Variants in MTAP observed in about 807,000 individuals in gnomAD.
The protein encoded by MTAP is methylthioadenosine phosphorylase.
MTAP carries 33 observed loss-of-function variants against 33.6 expected under a neutral mutation model. The observed-to-expected ratio is 0.98, with a 90% CI of 0.74 to 1.31. The LOEUF is 1.31. MTAP is among the 40% of genes most tolerant of loss of function. The pLI is 0.00. For missense variants in MTAP, 367 were observed against 360.0 expected, an observed-to-expected ratio of 1.02 and a Z score of -0.16; for synonymous variants, 148 against 125.7, an observed-to-expected ratio of 1.18 and a Z score of -1.19.
intron 5 of MTAP, among the ~76,000 whole-genome samples, chr9:21,841,909 A>C (rs28786432): frequency 6.6e-6 from 1 of 152,142 alleles, no homozygotes; most frequent in African/African-American, 2.4e-5. Flanking sequence ...CTCCCTAGCA[A>C]TGGATCCAAA....
chr9:21,865,601 A>C lies in MTAP; in HGVS notation c.*3587A>C, dbSNP rs900178560. 3.0e-6 allele frequency: 3 copies of C among 986,278 alleles called. No individual in the cohort carries two copies. The highest frequency in any genetic ancestry group is 9.4e-5 in the South Asian group (2 of 21,322). The allele number at this position is 986,278 out of a possible 1,614,324, so 61.1% of individuals were successfully genotyped here. A position where few individuals can be genotyped will look rare whatever the true frequency, so the allele number is the denominator to read the frequency against. ...TAGTATAGAATAATTCAAGATAGGC[A>C]AGAAGGACAGCAGTAAATGAAGACC... is the stretch of plus-strand genomic sequence containing the variant. On this transcript the variant is annotated 3_prime_UTR_variant, in exon 8 of 8. Coordinates refer to ENST00000644715, the MANE Select transcript of MTAP (RefSeq NM_002451.4).
chr9:21,808,440 A>T (rs1476608063), intron 1 of MTAP, among the ~76,000 whole-genome samples: 1 of 151,464 alleles, frequency 6.6e-6, no homozygotes, highest in East Asian at 1.9e-4. Context: ...AAAACAAAAA[A>T]ATTAGCCAGG....
chr9:21,834,175 G>T (rs1825044335), intron 4 of MTAP, among the ~76,000 whole-genome samples: 1 of 152,208 alleles, frequency 6.6e-6, no homozygotes, highest in South Asian at 2.1e-4. Context: ...CCAAGCACTT[G>T]CTTCATGTTG....
downstream of MTAP, chr9:21,931,208 C>T: frequency 1.4e-6 from 1 of 717,310 alleles, no homozygotes; most frequent in South Asian, 1.5e-5. Context: ...AGCAAGAGGC[C>T]AAGACCCACA....
chr9:21,908,794 T>C (rs1587289590), intron 1 of MTAP, among the ~76,000 whole-genome samples: 2 of 98,188 alleles, frequency 2.0e-5, no homozygotes, highest in South Asian at 3.1e-4. Context: ...TTTGTATAGC[T>C]TTTTTAGTGA....
intron 4 of MTAP, among the ~76,000 whole-genome samples, chr9:21,834,600 C>T (rs1236951659): frequency 6.6e-6 from 1 of 152,186 alleles, no homozygotes; most frequent in East Asian, 1.9e-4. Flanking sequence ...ATCTTCAGAG[C>T]CAGCAATGGC....
chr9:21,810,190 C>G (rs1422402062), intron 1 of MTAP, among the ~76,000 whole-genome samples: 1 of 152,150 alleles, frequency 6.6e-6, no homozygotes, highest in Non-Finnish European at 1.5e-5. Context: ...AAGGTGAGAT[C>G]AAGGTGGATT....
chr9:21,817,925 G>A (rs1445810729), intron 3 of MTAP, 110 bp from the exon 4 acceptor site: 2 of 1,063,704 alleles, frequency 1.9e-6, no homozygotes, highest in East Asian at 2.7e-5. Flanking sequence ...GACCCCCTGT[G>A]TTAGTCTGTG....
chr9:21,846,617 A>G (rs761094683), intron 5 of MTAP, among the ~76,000 whole-genome samples: 4 of 150,804 alleles, frequency 2.7e-5, no homozygotes, highest in Non-Finnish European at 4.4e-5. Flanking sequence ...GTGTAAAGGG[A>G]ACACTTTTAC....
chr9:21,819,846 G>C (rs1824585250), intron 4 of MTAP, among the ~76,000 whole-genome samples: 1 of 152,212 alleles, frequency 6.6e-6, no homozygotes, highest in Admixed American at 6.5e-5. Flanking sequence ...ACTGGTGTGA[G>C]ATGGTATCTC....
rs949232383 is a variant in MTAP, at chr9:21,865,515, T to C, written c.*3501T>C. ...CACACAATCTGGCTCAATGTATATATTGGCCCAGCAAGGCAAAGAACTGAA... is the reference window on the plus strand; with the variant it reads ...CACACAATCTGGCTCAATGTATATACTGGCCCAGCAAGGCAAAGAACTGAA... On this transcript the variant is annotated 3_prime_UTR_variant, in exon 8 of 8. Transcript: ENST00000644715. 14 of 985,488 alleles carry C rather than the reference T, an allele frequency of 1.4e-5. No homozygotes were observed. In the East Asian group the frequency reaches 1.4e-3, roughly 96 times the overall value. 61.0% of individuals were successfully genotyped at this position (985,488 alleles called of 1,614,324 possible). A position where few individuals can be genotyped will look rare whatever the true frequency, so the allele number is the denominator to read the frequency against.
At chr9:21,880,160 G>A (rs575742023) in intron 1 of MTAP, among the ~76,000 whole-genome samples, 1 of 152,180 alleles carries the variant, frequency 6.6e-6, no homozygotes, top group South Asian at 2.1e-4. Context: ...AGTCATCAAG[G>A]TGGATCCCCC....
chr9:21,913,172 A>G (rs1273055134), intron 1 of MTAP, among the ~76,000 whole-genome samples: 2 of 152,260 alleles, frequency 1.3e-5, no homozygotes, highest in African/African-American at 4.8e-5. Flanking sequence ...CATGGATAGG[A>G]AGAATCAATA....
At chr9:21,822,827 A>G (rs997345613) in intron 4 of MTAP, among the ~76,000 whole-genome samples, 6 of 152,218 alleles carry the variant, frequency 3.9e-5, no homozygotes, top group Admixed American at 2.6e-4. Context: ...TTGGGTGCAT[A>G]TAGATTTAGG....
chr9:21,850,944 A>G (rs779284887), intron 5 of MTAP, among the ~76,000 whole-genome samples: 18 of 152,224 alleles, frequency 1.2e-4, no homozygotes, highest in Non-Finnish European at 2.5e-4. Flanking sequence ...CCTTTAAGTC[A>G]ACAGGCTAAG....
chr9:21,802,718 C>T lies in MTAP; in HGVS notation c.-31C>T, dbSNP rs764631142. ...CTTGGTTCCCTTAGTCCCGAGCGCT[C>T]GCCCACTGCAGATTCCTTTCCCGTG... is the stretch of plus-strand genomic sequence containing the variant. On this transcript the variant is annotated 5_prime_UTR_variant, in exon 1 of 8. Transcript: ENST00000644715. 30 of 1,610,582 alleles carry T rather than the reference C, an allele frequency of 1.9e-5. No individual in the cohort carries two copies. The highest frequency in any genetic ancestry group is 1.7e-4 in the Middle Eastern group (1 of 5,858).
At chr9:21,926,169 G>A (rs182079581) in intron 1 of MTAP, among the ~76,000 whole-genome samples, 89 of 152,260 alleles carry the variant, frequency 5.8e-4, no homozygotes, top group Middle Eastern at 3.4e-3. Context: ...AGGTCATAAT[G>A]ATAATGCCTA....
chr9:21,823,632 G>A (rs1218545941), intron 4 of MTAP, among the ~76,000 whole-genome samples: 2 of 152,274 alleles, frequency 1.3e-5, no homozygotes, highest in South Asian at 4.1e-4. Context: ...GGCGTTCTCT[G>A]TATTTCCTGA....
chr9:21,914,919 C>G (rs796423622), intron 1 of MTAP, among the ~76,000 whole-genome samples: 4 of 151,294 alleles, frequency 2.6e-5, no homozygotes, highest in East Asian at 1.9e-4. Flanking sequence ...AATATATGGC[C>G]TTCTGTGTCT....
Sources: gnomAD v4.1 joint callset for allele counts (sites outside exome capture counted in the v4.1 genomes callset) on GRCh38, gnomAD v4.1.1 for gene constraint, MANE v1.5 for transcripts, NCBI Gene and HGNC (gene_info 2026-07-23, HGNC 2026-07-21) for gene names.